The following NFKB1 variants were observed in gnomAD, a reference collection of about 807,000 sequenced individuals.
NFKB1 encodes the protein nuclear factor kappa B subunit 1.
A neutral mutation model predicts 105.1 loss-of-function variants in NFKB1; 9 were observed. The ratio of observed to expected loss-of-function variants is 0.09; its 90% CI spans 0.05 to 0.15. NFKB1 has a LOEUF of 0.15. NFKB1 is among the 10% of genes least tolerant of loss of function. The pLI, the probability that NFKB1 is intolerant of heterozygous loss-of-function variation, is 1.00. For synonymous variants in NFKB1, 440 were observed against 442.2 expected (o/e 1.00, Z 0.06); for missense variants, 830 against 1,203.7 (o/e 0.69, Z 4.59).
At chr4:102,537,529 C>T (rs1741718901) in intron 4 of NFKB1, 2 of 172,684 alleles carry the variant, frequency 1.2e-5, no homozygotes, top group South Asian at 2.9e-4. Context: ...GACAAGGAAG[C>T]TCTGACTAGA....
rs1198223031 is a variant in NFKB1, at chr4:102,607,600, G to T, written c.2125-49G>T. On this transcript the variant is annotated intron_variant, in intron 18 of 23. Transcript: ENST00000226574. ...TGCACACTGGGAGGTGGGGACAAAAGGGCAAAAGAACCTTCCACTAACGCT... is the reference window on the plus strand; with the variant it reads ...TGCACACTGGGAGGTGGGGACAAAATGGCAAAAGAACCTTCCACTAACGCT... The T allele has an allele frequency of 3.8e-6, 6 of 1,583,096 alleles. No homozygotes were observed. The African/African-American group carries it at 8.1e-5, about 21-fold the overall frequency.
In NFKB1 at chr4:102,527,259, A is replaced by T. The variant is rs148278233; in HGVS notation, c.39+1702A>T. Among the ~76,000 whole-genome samples, 170 of 152,344 alleles carry T rather than the reference A, an allele frequency of 1.1e-3. No homozygotes were observed. In the Middle Eastern group the frequency reaches 0.014, roughly 12 times the overall value. The stretch of plus-strand genomic sequence containing the variant: ...TGCGCAGAGCGGGATAGAAATGTTA[A>T]TAAGCAGCATCACTAGGTGCTACCT... On this transcript the variant is annotated intron_variant, in intron 2 of 23. Transcript: ENST00000226574.
At chr4:102,615,071 C>G (rs1477630318) in intron 23 of NFKB1, among the ~76,000 whole-genome samples, 1 of 152,050 alleles carries the variant, frequency 6.6e-6, no homozygotes, top group Non-Finnish European at 1.5e-5. Flanking sequence ...CCTTCCTGTC[C>G]ACCTCCCTTC....
Position 102,612,056 on chromosome 4 carries a change from T to C in NFKB1, c.2365T>C (p.Leu789=), listed in dbSNP as rs779297649. 6 of 1,614,014 alleles carry C rather than the reference T, an allele frequency of 3.7e-6. No homozygotes were observed. The highest frequency in any genetic ancestry group is 2.2e-5 in the South Asian group (2 of 91,076). The part of the protein sequence containing the change: ...MATSWQVFDI[L]NGKPYEPEFT... ...TTCTTTCCAACAGGTATTTGACATA[T>C]TAAATGGGAAACCATATGAGCCAGA... is the stretch of plus-strand genomic sequence containing the variant. The change falls in exon 21 of 24, where the codon TTA becomes CTA. Residue 789 remains leucine, a synonymous_variant. Transcript: ENST00000226574.
intron 1 of NFKB1, among the ~76,000 whole-genome samples, chr4:102,512,339 G>T (rs1739835245): frequency 1.3e-5 from 2 of 151,982 alleles, no homozygotes; most frequent in Non-Finnish European, 2.9e-5. Context: ...TATGTGTGTT[G>T]TTTTGTTTTG....
At chr4:102,541,468 T>C (rs866062321) in intron 5 of NFKB1, among the ~76,000 whole-genome samples, 2 of 152,190 alleles carry the variant, frequency 1.3e-5, no homozygotes, top group South Asian at 2.1e-4. Flanking sequence ...AGGAGAAAGA[T>C]AGAAAAGATA....
rs34257045 is a variant in NFKB1, at chr4:102,515,107, A to ATT, written c.-7-10385_-7-10384dup. ...TCCATGTAATATTATTATTATTATT[A>ATT]TTTTTTTTTTTTTTTTTTTTTGAGA... On this transcript the variant is annotated intron_variant, in intron 1 of 23. Transcript: ENST00000226574. 6.1e-3 allele frequency among the ~76,000 whole-genome samples: 581 copies of ATT among 95,594 alleles called. 12 individuals are homozygous for ATT. The highest frequency in any genetic ancestry group is 0.02 in the African/African-American group (450 of 22,700). The allele number at this position is 95,594 out of a possible 152,430, so 62.7% of individuals were successfully genotyped here. A position where few individuals can be genotyped will look rare whatever the true frequency, so the allele number is the denominator to read the frequency against.
chr4:102,550,932 T>A (rs1220432516), intron 5 of NFKB1, among the ~76,000 whole-genome samples: 1 of 152,202 alleles, frequency 6.6e-6, no homozygotes, highest in Non-Finnish European at 1.5e-5. Flanking sequence ...ACATCTTTCA[T>A]TTATATGAGA....
At chr4:102,529,786 A>G (rs760540100) in intron 2 of NFKB1, 50 bp from the exon 3 acceptor site, 34 of 1,387,488 alleles carry the variant, frequency 2.5e-5, no homozygotes, top group Non-Finnish European at 1.2e-5. Flanking sequence ...AATTTTTCAT[A>G]TAATATAGGA....
At chr4:102,544,931 T>G (rs1193831929) in intron 5 of NFKB1, among the ~76,000 whole-genome samples, 1 of 152,154 alleles carries the variant, frequency 6.6e-6, no homozygotes, top group East Asian at 1.9e-4. Context: ...CCTCCACTCT[T>G]CCTTGACACA....
At chr4:102,573,494 A>T (rs1261091130) in intron 6 of NFKB1, among the ~76,000 whole-genome samples, 2 of 151,888 alleles carry the variant, frequency 1.3e-5, no homozygotes, top group Non-Finnish European at 2.9e-5. Context: ...CGTTTTAAGC[A>T]ATTTGATTAT....
At chr4:102,609,497 A>G (rs757633445) in intron 19 of NFKB1, among the ~76,000 whole-genome samples, 3 of 151,494 alleles carry the variant, frequency 2.0e-5, no homozygotes, top group Non-Finnish European at 4.4e-5. Flanking sequence ...CTGTAATCCC[A>G]GCTACTCAGA....
intron 1 of NFKB1, among the ~76,000 whole-genome samples, chr4:102,513,030 A>G (rs1429891976): frequency 2.0e-5 from 3 of 152,248 alleles, no homozygotes; most frequent in African/African-American, 7.2e-5. Flanking sequence ...TCAGTCTGAA[A>G]ATATGAATAT....
At chr4:102,612,175 G>A in intron 21 of NFKB1, 65 bp downstream of exon 21, 1 of 1,423,434 alleles carries the variant, frequency 7.0e-7, no homozygotes, top group South Asian at 1.2e-5. Context: ...TTAAAGGGAG[G>A]AACCAGCATT....
At chr4:102,614,886 C>T (rs1728797652) in intron 23 of NFKB1, among the ~76,000 whole-genome samples, 1 of 152,052 alleles carries the variant, frequency 6.6e-6, no homozygotes, top group Non-Finnish European at 1.5e-5. Flanking sequence ...AGAAGCGCTG[C>T]CATCTTCCAG....
At chr4:102,506,869 A>G (rs1160375132) in intron 1 of NFKB1, among the ~76,000 whole-genome samples, 1 of 151,800 alleles carries the variant, frequency 6.6e-6, no homozygotes, top group African/African-American at 2.4e-5. Context: ...GTTAAAAGTT[A>G]GTTACATATA....
chr4:102,571,652 C>G (rs1479143487), intron 6 of NFKB1, among the ~76,000 whole-genome samples: 5 of 152,168 alleles, frequency 3.3e-5, no homozygotes, highest in Admixed American at 3.3e-4. Flanking sequence ...AATCAAACAA[C>G]CCCATCAAAA....
intron 11 of NFKB1, among the ~76,000 whole-genome samples, chr4:102,586,347 GTAGAT>G (rs1361003329): frequency 6.6e-6 from 1 of 152,160 alleles, no homozygotes; most frequent in East Asian, 1.9e-4. Context: ...GGGAGCAAAA[GTAGAT>G]TTGGGTGGGA....
chr4:102,581,401 A>T (rs891518211), intron 9 of NFKB1, among the ~76,000 whole-genome samples: 13 of 152,194 alleles, frequency 8.5e-5, no homozygotes, highest in African/African-American at 2.9e-4. Flanking sequence ...TGTGGCTTTT[A>T]AAAAAATTAT....
Sources: gnomAD v4.1 joint callset for allele counts (sites outside exome capture counted in the v4.1 genomes callset) on GRCh38, gnomAD v4.1.1 for gene constraint, MANE v1.5 for transcripts, NCBI Gene and HGNC (gene_info 2026-07-23, HGNC 2026-07-21) for gene names.